Variants in SMPD3 observed in about 807,000 individuals in gnomAD.
SMPD3 encodes nSMase-2.
In SMPD3, 21 loss-of-function variants were observed where a neutral mutation model predicts 55.7. The observed-to-expected ratio is 0.38, with a 90% CI of 0.27 to 0.54. The LOEUF (loss-of-function observed/expected upper bound fraction) is 0.54, where lower values mean the gene tolerates loss of function less well. Ranked by LOEUF, SMPD3 falls within the 20% of genes least tolerant of loss-of-function variation. The probability of loss-of-function intolerance (pLI) is 0.80; values close to 1 mark genes in which losing one functional copy is unlikely to be tolerated. For missense variants in SMPD3, 842 were observed against 899.6 expected (o/e 0.94, Z 0.82); for synonymous variants, 457 against 404.3 (o/e 1.13, Z -1.56).
chr16:68,419,577 G>C (rs1468914744), intron 1 of SMPD3, among the ~76,000 whole-genome samples: 1 of 152,184 alleles, frequency 6.6e-6, no homozygotes, highest in African/African-American at 2.4e-5. Context: ...ACATTTCCTT[G>C]CATCTCCAGA....
intron 5 of SMPD3, 97 bp downstream of exon 5, chr16:68,364,654 G>C: frequency 7.3e-7 from 1 of 1,366,688 alleles, no homozygotes; most frequent in African/African-American, 1.5e-5. Flanking sequence ...CGAGGAGCAG[G>C]AATTCTTTGA....
At chr16:68,412,842 A>T (rs897391310) in intron 1 of SMPD3, among the ~76,000 whole-genome samples, 9 of 152,232 alleles carry the variant, frequency 5.9e-5, no homozygotes, top group African/African-American at 2.2e-4. Flanking sequence ...TGTATGGTAG[A>T]TGTTAGAGGA....
At chr16:68,391,369 C>A (rs182585028) in intron 1 of SMPD3, among the ~76,000 whole-genome samples, 3 of 152,280 alleles carry the variant, frequency 2.0e-5, no homozygotes, top group African/African-American at 7.2e-5. Flanking sequence ...TATTGTGGAC[C>A]TGACATCCTT....
rs548209260 is a variant in SMPD3, at chr16:68,414,050, C to G, written c.-268-27391G>C. ...TGGCGCTGCCAGACTATGGTAGAGA[C>G]AGATTCCCTGCTCTGGTCTCTGTCC... is the stretch of plus-strand genomic sequence containing the variant. On this transcript the variant is annotated intron_variant, in intron 1 of 8. Coordinates refer to ENST00000219334, the MANE Select transcript of SMPD3 (RefSeq NM_018667.4). 1.1e-3 allele frequency among the ~76,000 whole-genome samples: 173 copies of G among 152,352 alleles called. 1 individual carries two copies. Among genetic ancestry groups the G allele is most frequent in the Non-Finnish European group, 1.7e-3 (116 of 68,038 alleles).
intron 2 of SMPD3, among the ~76,000 whole-genome samples, chr16:68,385,178 G>A (rs2090030959): frequency 2.6e-5 from 4 of 152,214 alleles, no homozygotes; most frequent in Admixed American, 2.6e-4. Flanking sequence ...CAGATGAGGA[G>A]ACGGAGACTC....
intron 1 of SMPD3, among the ~76,000 whole-genome samples, chr16:68,416,324 T>C (rs953519952): frequency 6.6e-6 from 1 of 152,192 alleles, no homozygotes; most frequent in African/African-American, 2.4e-5. Flanking sequence ...CATTGTTCCC[T>C]GTGAGCCCCT....
At chr16:68,444,596 G>T (rs563223309) in intron 1 of SMPD3, among the ~76,000 whole-genome samples, 11 of 152,234 alleles carry the variant, frequency 7.2e-5, no homozygotes, top group African/African-American at 2.4e-4. Context: ...TAATTTGTTT[G>T]GCTTCAGTAC....
rs1041507464 is a variant in SMPD3, at chr16:68,391,388, T to C, written c.-268-4729A>G. Among the ~76,000 whole-genome samples the C allele has an allele frequency of 6.6e-5, 10 of 152,332 alleles. No homozygotes were observed. In the South Asian group the frequency reaches 1.0e-3, roughly 16 times the overall value. ...GTGGACCTGACATCCTTTCAGAAGT[T>C]TGGACTACAAAGGTGGGAGACACAC... On this transcript the variant is annotated intron_variant, in intron 1 of 8. Transcript: ENST00000219334.
intron 2 of SMPD3, among the ~76,000 whole-genome samples, chr16:68,376,808 C>T (rs1386885651): frequency 1.3e-5 from 2 of 152,174 alleles, no homozygotes; most frequent in Non-Finnish European, 2.9e-5. Context: ...TTAGACCTGC[C>T]CCTGGCCCTC....
chr16:68,372,036 G>C lies in SMPD3; in HGVS notation c.146C>G (p.Ala49Gly), dbSNP rs1193965905. 6.2e-7 allele frequency: 1 copy of C among 1,609,858 alleles called. No homozygotes were observed. The change falls in exon 3 of 9, where the codon GCA becomes GGA. Residue 49 changes from alanine (A) to glycine (G), a missense_variant. Coordinates refer to ENST00000219334, the MANE Select transcript of SMPD3 (RefSeq NM_018667.4). ...IPTTYEKRQRADDPCCLQLLC... is the reference protein window; with the variant it reads ...IPTTYEKRQRGDDPCCLQLLC... ...CAGCTGCAGGCAGCACGGGTCGTCTGCCCGCTGGCGCTTCTCGTAGGTGGT... is the reference window on the plus strand; with the variant it reads ...CAGCTGCAGGCAGCACGGGTCGTCTCCCCGCTGGCGCTTCTCGTAGGTGGT...
At chr16:68,384,797 G>T (rs1284280114) in intron 2 of SMPD3, among the ~76,000 whole-genome samples, 3 of 151,892 alleles carry the variant, frequency 2.0e-5, no homozygotes, top group Non-Finnish European at 4.4e-5. Flanking sequence ...GACCCTAGCT[G>T]TGTGTAGAGT....
intron 1 of SMPD3, among the ~76,000 whole-genome samples, chr16:68,420,695 CTG>C (rs1275729945): frequency 1.3e-5 from 2 of 152,214 alleles, no homozygotes. Context: ...ATCCATTGTT[CTG>C]TGTGTGGAGG....
chr16:68,365,048 G>A lies in SMPD3; in HGVS notation c.1368C>T (p.Tyr456=). The A allele has an allele frequency of 6.2e-7, 1 of 1,614,134 alleles. No individual in the cohort carries two copies. The highest frequency in any genetic ancestry group is 1.3e-5 in the African/African-American group (1 of 75,024). The change falls in exon 4 of 9, where the codon TAC becomes TAT. Residue 456 remains tyrosine, a synonymous_variant. Coordinates refer to ENST00000219334, the MANE Select transcript of SMPD3 (RefSeq NM_018667.4). ...STPQDQRIVG[Y]IACTHLHAPQ... is the part of the protein sequence containing the mutation. ...GGGCATGCAGGTGTGTGCAGGCGATGTACCCGACGATTCTTTGGTCCTGAG... is the reference window on the plus strand; with the variant it reads ...GGGCATGCAGGTGTGTGCAGGCGATATACCCGACGATTCTTTGGTCCTGAG...
chr16:68,410,986 C>T (rs114021325), intron 1 of SMPD3, among the ~76,000 whole-genome samples: 268 of 152,318 alleles, frequency 1.8e-3, no homozygotes, highest in African/African-American at 5.9e-3. Flanking sequence ...AGGGAATGGG[C>T]GGGCATCATC....
rs138445328 is a variant in SMPD3, at chr16:68,386,002, C to T, written c.-207+596G>A. ...CATTGGGAGGCCAAGGCGGGCAGATCGCTTGAGCCCAGGAGTTGGAGACCA... is the reference window on the plus strand; with the variant it reads ...CATTGGGAGGCCAAGGCGGGCAGATTGCTTGAGCCCAGGAGTTGGAGACCA... On this transcript the variant is annotated intron_variant, in intron 2 of 8. Coordinates refer to ENST00000219334, the MANE Select transcript of SMPD3 (RefSeq NM_018667.4). Among the ~76,000 whole-genome samples, 46 of 152,248 alleles carry T rather than the reference C, an allele frequency of 3.0e-4. No homozygotes were observed. In the East Asian group the frequency reaches 8.7e-3, roughly 29 times the overall value.
intron 1 of SMPD3, among the ~76,000 whole-genome samples, chr16:68,434,800 C>T (rs1025682785): frequency 5.3e-5 from 8 of 152,174 alleles, no homozygotes; most frequent in Non-Finnish European, 1.0e-4. Flanking sequence ...ACTCTGTGTT[C>T]GGTTTCTAAG....
At chr16:68,430,638 C>A (rs1464601143) in intron 1 of SMPD3, among the ~76,000 whole-genome samples, 1 of 152,204 alleles carries the variant, frequency 6.6e-6, no homozygotes, top group Non-Finnish European at 1.5e-5. Context: ...TCTCCCTCCC[C>A]CTGCCCCATC....
chr16:68,396,368 C>T (rs377364514), intron 1 of SMPD3, among the ~76,000 whole-genome samples: 1 of 152,206 alleles, frequency 6.6e-6, no homozygotes. Context: ...CTCGTTTCTG[C>T]CCCTCTTTCT....
intron 1 of SMPD3, among the ~76,000 whole-genome samples, chr16:68,412,074 C>T (rs1256158675): frequency 6.6e-6 from 1 of 152,046 alleles, no homozygotes; most frequent in African/African-American, 2.4e-5. Flanking sequence ...GTGCACGGGG[C>T]CAGGGAGGCA....
Sources: gnomAD v4.1 joint callset for allele counts (sites outside exome capture counted in the v4.1 genomes callset) on GRCh38, gnomAD v4.1.1 for gene constraint, MANE v1.5 for transcripts, NCBI Gene and HGNC (gene_info 2026-07-23, HGNC 2026-07-21) for gene names.